The following MMRN1 variants were observed in gnomAD, a reference collection of about 807,000 sequenced individuals.
The protein encoded by MMRN1 is multimerin 1, also known as multimerin-1.
In MMRN1, 94 loss-of-function variants were observed where a neutral mutation model predicts 100.7. The ratio of observed to expected loss-of-function variants is 0.93; its 90% CI spans 0.79 to 1.11. The LOEUF (loss-of-function observed/expected upper bound fraction) is 1.11, where lower values mean the gene tolerates loss of function less well. Among genes scored for constraint, MMRN1 ranks in the 50% least tolerant of loss-of-function variants. The pLI is 0.00. For synonymous variants in MMRN1, 575 were observed against 505.0 expected (o/e 1.14, Z -1.86); for missense variants, 1,606 against 1,439.1 (o/e 1.12, Z -1.88).
chr4:89,943,026 G>A (rs1016098449), intron 6 of MMRN1, among the ~76,000 whole-genome samples: 1 of 152,112 alleles, frequency 6.6e-6, no homozygotes, highest in Non-Finnish European at 1.5e-5. Flanking sequence ...GGGTGTGGGT[G>A]AGCAGAGCCA....
chr4:89,892,467 TTAA>T (rs1721077205), upstream of MMRN1, among the ~76,000 whole-genome samples: 3 of 151,942 alleles, frequency 2.0e-5, no homozygotes, highest in Non-Finnish European at 1.5e-5. Context: ...TAATTGTTAT[TTAA>T]TGAGTATTAA....
chr4:89,926,796 T>G (rs1056085385), intron 4 of MMRN1, among the ~76,000 whole-genome samples: 1 of 152,128 alleles, frequency 6.6e-6, no homozygotes, highest in Non-Finnish European at 1.5e-5. Flanking sequence ...CCTTTTTTAT[T>G]TGATTTTTGT....
chr4:89,879,966 C>T (rs1170896124), intron 1 of MMRN1, among the ~76,000 whole-genome samples: 1 of 152,164 alleles, frequency 6.6e-6, no homozygotes, highest in East Asian at 1.9e-4. Flanking sequence ...ATCTTTTGGA[C>T]ATGGTATGAT....
chr4:89,898,459 A>T (rs1442321633), intron 1 of MMRN1, among the ~76,000 whole-genome samples: 1 of 151,896 alleles, frequency 6.6e-6, no homozygotes, highest in Non-Finnish European at 1.5e-5. Flanking sequence ...TGGCAGGTAC[A>T]GTCTCTTATC....
chr4:89,934,241 T>C (rs950768956), intron 5 of MMRN1, among the ~76,000 whole-genome samples: 1 of 152,128 alleles, frequency 6.6e-6, no homozygotes, highest in Admixed American at 6.6e-5. Context: ...CAAATCTCAT[T>C]ATTATTATTT....
chr4:89,951,679 T>C lies in MMRN1; in HGVS notation c.3193T>C (p.Cys1065Arg). Residue 1065 changes from cysteine (C) to arginine (R), a missense_variant, in exon 7 of 8, where the codon TGT (cysteine) becomes CGT (arginine). Transcript: ENST00000264790. ...TCINGRTSFTCACRHPFTGDN... is the reference protein window; with the variant it reads ...TCINGRTSFTRACRHPFTGDN... ...CATAAATGGAAGAACTAGCTTTACC[T>C]GTGCCTGCAGACATCCTTTTACTGG... 2 of 1,596,262 alleles carry C rather than the reference T, an allele frequency of 1.3e-6. No individual in the cohort carries two copies. The highest frequency in any genetic ancestry group is 1.8e-5 in the Admixed American group (1 of 55,972).
At chr4:89,940,279 T>C (rs893972054) in intron 6 of MMRN1, among the ~76,000 whole-genome samples, 2 of 152,242 alleles carry the variant, frequency 1.3e-5, no homozygotes, top group South Asian at 2.1e-4. Context: ...CTCCTGCTTG[T>C]AAAACCATTG....
chr4:89,951,682 G>A lies in MMRN1; in HGVS notation c.3196G>A (p.Ala1066Thr). 1 of 1,601,180 alleles carries A rather than the reference G, an allele frequency of 6.2e-7. No homozygotes were observed. The highest frequency in any genetic ancestry group is 2.3e-5 in the East Asian group (1 of 44,054). The change falls in exon 7 of 8, where the codon GCC becomes ACC. Residue 1066 changes from alanine to threonine, a missense_variant. Transcript: ENST00000264790. ...AAATGGAAGAACTAGCTTTACCTGT[G>A]CCTGCAGACATCCTTTTACTGGTGA... is the stretch of plus-strand genomic sequence containing the variant. ...CINGRTSFTC[A>T]CRHPFTGDNC...
In MMRN1 at chr4:89,927,786, T is replaced by C; in HGVS notation, c.956-9T>C. 1 of 1,602,664 alleles carries C rather than the reference T, an allele frequency of 6.2e-7. No homozygotes were observed. The highest frequency in any genetic ancestry group is 8.5e-7 in the Non-Finnish European group (1 of 1,175,908). ...TTTTAATGGTCTCAATTTTCTCTTCTATATGCAGAAGTGATGCAAAAAATG... is the reference window on the plus strand; with the variant it reads ...TTTTAATGGTCTCAATTTTCTCTTCCATATGCAGAAGTGATGCAAAAAATG... On this transcript the variant is annotated splice_polypyrimidine_tract_variant and intron_variant, in intron 4 of 7. Transcript: ENST00000264790.
rs1722647799 is a variant in MMRN1 at position 89,936,551 on chromosome 4, A to G, written c.2871A>G (p.Gln957=). ...KWIKHSLPDI[Q]LLQKGLTEFV... is the part of the protein sequence containing the mutation. ...TAAAACATTCCCTGCCAGATATTCA[A>G]CTTCTTCAGAAAGGTCTAACAGAAT... Residue 957 remains glutamine, a synonymous_variant, in exon 6 of 8, where the codon CAA becomes CAG. Transcript: ENST00000264790. 2 of 1,612,858 alleles carry G rather than the reference A, an allele frequency of 1.2e-6. No homozygotes were observed. Among genetic ancestry groups the G allele is most frequent in the Non-Finnish European group, 1.7e-6 (2 of 1,179,542 alleles).
At chr4:89,917,474 A>T (rs1032181093) in intron 3 of MMRN1, among the ~76,000 whole-genome samples, 1 of 151,898 alleles carries the variant, frequency 6.6e-6, no homozygotes, top group Non-Finnish European at 1.5e-5. Flanking sequence ...ATTGTATATA[A>T]ATCAAAAATT....
At chr4:89,882,095 T>C (rs980028758) in intron 1 of MMRN1, among the ~76,000 whole-genome samples, 6 of 151,820 alleles carry the variant, frequency 4.0e-5, no homozygotes, top group African/African-American at 1.4e-4. Flanking sequence ...AGAATGACCA[T>C]ACGTCTTTAA....
intron 3 of MMRN1, among the ~76,000 whole-genome samples, chr4:89,918,107 C>G (rs912762352): frequency 6.6e-6 from 1 of 150,612 alleles, no homozygotes; most frequent in African/African-American, 2.4e-5. Context: ...ACATAATTGG[C>G]CTTTTACTAA....
chr4:89,911,212 T>C (rs1237986187), intron 2 of MMRN1, among the ~76,000 whole-genome samples: 6 of 151,456 alleles, frequency 4.0e-5, no homozygotes, highest in Admixed American at 6.6e-5. Flanking sequence ...CAAATTGTAC[T>C]TATGACTTAC....
chr4:89,896,087 T>A lies in MMRN1; in HGVS notation c.623+493T>A, dbSNP rs1721198173. Reference sequence around the variant, plus strand: ...AATCCTGGCTTCAGTATGGTCTAGTTCCATGATTTTGAGCAACTCAGTTGA... The same window carrying A: ...AATCCTGGCTTCAGTATGGTCTAGTACCATGATTTTGAGCAACTCAGTTGA... On this transcript the variant is annotated intron_variant, in intron 1 of 7. Coordinates refer to ENST00000264790, the MANE Select transcript of MMRN1 (RefSeq NM_007351.3). Among the ~76,000 whole-genome samples the A allele has an allele frequency of 2.0e-5, 3 of 152,174 alleles. No individual in the cohort carries two copies. The South Asian group carries it at 6.2e-4, about 32-fold the overall frequency.
intron 1 of MMRN1, among the ~76,000 whole-genome samples, chr4:89,898,563 C>A (rs1230131607): frequency 6.6e-6 from 1 of 151,764 alleles, no homozygotes; most frequent in African/African-American, 2.4e-5. Context: ...AGATTTGTTA[C>A]CCAGTTAGTC....
chr4:89,941,033 A>G (rs184425817), intron 6 of MMRN1, among the ~76,000 whole-genome samples: 24 of 152,286 alleles, frequency 1.6e-4, no homozygotes, highest in Non-Finnish European at 2.8e-4. Context: ...AGCACTGAAA[A>G]TAAATGTCAA....
chr4:89,896,168 T>C (rs966384327), intron 1 of MMRN1, among the ~76,000 whole-genome samples: 3 of 152,040 alleles, frequency 2.0e-5, no homozygotes, highest in Non-Finnish European at 4.4e-5. Flanking sequence ...ACAAGGAATG[T>C]CAATAAAAAT....
chr4:89,936,868 G>A, intron 6 of MMRN1, 70 bp downstream of exon 6: 2 of 1,383,362 alleles, frequency 1.4e-6, no homozygotes, highest in South Asian at 1.5e-5. Context: ...GATCTGTACA[G>A]TTGAGCAAGA....
Sources: gnomAD v4.1 joint callset for allele counts (sites outside exome capture counted in the v4.1 genomes callset) on GRCh38, gnomAD v4.1.1 for gene constraint, MANE v1.5 for transcripts, NCBI Gene and HGNC (gene_info 2026-07-23, HGNC 2026-07-21) for gene names.